NXPH1: variants seen among roughly 807,000 people sequenced by gnomAD.
The protein encoded by NXPH1 is neurexophilin 1.
In NXPH1, 5 loss-of-function variants were observed where a neutral mutation model predicts 23.7. The observed-to-expected ratio is 0.21, with a 90% CI of 0.11 to 0.44. The LOEUF (loss-of-function observed/expected upper bound fraction) is 0.44, where lower values mean the gene tolerates loss of function less well. Among genes scored for constraint, NXPH1 ranks in the 20% least tolerant of loss-of-function variants. The pLI, the probability that NXPH1 is intolerant of heterozygous loss-of-function variation, is 0.99. For missense variants in NXPH1, 324 were observed against 321.6 expected, an observed-to-expected ratio of 1.01 and a Z score of -0.06; for synonymous variants, 144 against 122.2, an observed-to-expected ratio of 1.18 and a Z score of -1.18.
chr7:8,597,683 C>T (rs1482832347), intron 2 of NXPH1, among the ~76,000 whole-genome samples: 1 of 110,828 alleles, frequency 9.0e-6, no homozygotes, highest in African/African-American at 3.7e-5. Context: ...TAGTCAGGTC[C>T]AGGATGTAAA....
chr7:8,520,534 G>A lies in NXPH1; in HGVS notation c.54+84767G>A, dbSNP rs184752804. ...CGGTAGGAAAGTGACCCAAAGGGAAGTGCTTATTGATCCATTTCCCCCCAA... is the reference window on the plus strand; with the variant it reads ...CGGTAGGAAAGTGACCCAAAGGGAAATGCTTATTGATCCATTTCCCCCCAA... On this transcript the variant is annotated intron_variant, in intron 2 of 2. Transcript: ENST00000405863. Among the ~76,000 whole-genome samples, 20 of 152,286 alleles carry A rather than the reference G, an allele frequency of 1.3e-4. 1 individual carries two copies. Among genetic ancestry groups the A allele is most frequent in the African/African-American group, 4.6e-4 (19 of 41,552 alleles).
chr7:8,666,781 T>C (rs957224415), intron 2 of NXPH1, among the ~76,000 whole-genome samples: 7 of 152,044 alleles, frequency 4.6e-5, no homozygotes, highest in African/African-American at 1.7e-4. Flanking sequence ...TAGTAATTTA[T>C]CAATTTATTC....
chr7:8,701,637 A>C (rs905874911), intron 2 of NXPH1, among the ~76,000 whole-genome samples: 4 of 152,100 alleles, frequency 2.6e-5, no homozygotes, highest in Non-Finnish European at 5.9e-5. Context: ...GGTAAAATTA[A>C]GTGTTCTCCC....
At chr7:8,570,403 G>A (rs1487050189) in intron 2 of NXPH1, among the ~76,000 whole-genome samples, 1 of 151,966 alleles carries the variant, frequency 6.6e-6, no homozygotes, top group Non-Finnish European at 1.5e-5. Flanking sequence ...ATTGTGAAGT[G>A]AGGGATAGAA....
chr7:8,517,363 A>G (rs1817702809), intron 2 of NXPH1, among the ~76,000 whole-genome samples: 1 of 152,064 alleles, frequency 6.6e-6, no homozygotes, highest in African/African-American at 2.4e-5. Context: ...TGTGGAGGAC[A>G]TATGTGGAGG....
chr7:8,706,107 A>G (rs572890235), intron 2 of NXPH1, among the ~76,000 whole-genome samples: 1 of 152,162 alleles, frequency 6.6e-6, no homozygotes, highest in Non-Finnish European at 1.5e-5. Flanking sequence ...TTAGGGTTAT[A>G]GTCTCTATGG....
intron 2 of NXPH1, among the ~76,000 whole-genome samples, chr7:8,644,599 T>A (rs1418451873): frequency 1.3e-5 from 2 of 152,166 alleles, no homozygotes; most frequent in African/African-American, 2.4e-5. Flanking sequence ...ATATTGGGAT[T>A]TCAGAAAGAA....
At chr7:8,557,075 A>G (rs575825813) in intron 2 of NXPH1, among the ~76,000 whole-genome samples, 52 of 151,852 alleles carry the variant, frequency 3.4e-4, no homozygotes, top group African/African-American at 1.3e-3. Flanking sequence ...ACTACATAGA[A>G]TGAGACATTG....
At chr7:8,655,693 G>C (rs7791270) in intron 2 of NXPH1, among the ~76,000 whole-genome samples, 107,626 of 151,702 alleles carry the variant, frequency 0.71, 38,872 homozygotes, top group East Asian at 1. Context: ...AAATATCTAT[G>C]CAGAGAAGAG....
chr7:8,444,463 C>A (rs1252526383), intron 2 of NXPH1, among the ~76,000 whole-genome samples: 1 of 152,180 alleles, frequency 6.6e-6, no homozygotes, highest in Non-Finnish European at 1.5e-5. Flanking sequence ...ACTGAACTGC[C>A]CAGGGTCTTG....
chr7:8,611,024 C>T (rs941177284), intron 2 of NXPH1, among the ~76,000 whole-genome samples: 12 of 152,178 alleles, frequency 7.9e-5, no homozygotes, highest in South Asian at 2.1e-4. Flanking sequence ...GCTGAAACGC[C>T]GCTTAGAGTT....
chr7:8,620,924 C>G (rs573399257), intron 2 of NXPH1, among the ~76,000 whole-genome samples: 1 of 152,214 alleles, frequency 6.6e-6, no homozygotes, highest in Admixed American at 6.5e-5. Context: ...AATTCATAAC[C>G]TATGAATAAA....
rs1040362875 is a variant in NXPH1, at chr7:8,575,467, A to G, written c.54+139700A>G. The stretch of plus-strand genomic sequence containing the variant: ...GAGTTCATGTTTAGAATTTGTTTCA[A>G]TGAATAGAAAGCATAGAAATTCTTT... On this transcript the variant is annotated intron_variant, in intron 2 of 2. Coordinates refer to ENST00000405863, the MANE Select transcript of NXPH1 (RefSeq NM_152745.3). 4.6e-5 allele frequency among the ~76,000 whole-genome samples: 7 copies of G among 152,192 alleles called. No individual in the cohort carries two copies. In the South Asian group the frequency reaches 1.4e-3, roughly 31 times the overall value.
chr7:8,671,842 A>G (rs899538760), intron 2 of NXPH1, among the ~76,000 whole-genome samples: 6 of 152,334 alleles, frequency 3.9e-5, no homozygotes, highest in South Asian at 2.1e-4. Context: ...AATTTCTCTG[A>G]TGGCTAGTGA....
At chr7:8,444,853 T>A (rs953466196) in intron 2 of NXPH1, among the ~76,000 whole-genome samples, 2 of 152,244 alleles carry the variant, frequency 1.3e-5, no homozygotes, top group African/African-American at 4.8e-5. Context: ...AATTAAAAAT[T>A]ATGGCCTTCC....
chr7:8,632,770 C>T (rs1363870716), intron 2 of NXPH1, among the ~76,000 whole-genome samples: 2 of 151,900 alleles, frequency 1.3e-5, no homozygotes, highest in Non-Finnish European at 2.9e-5. Context: ...TAAAGTAGGG[C>T]TTCTAAGGCC....
At chr7:8,633,421 C>CA (rs1205077712) in intron 2 of NXPH1, among the ~76,000 whole-genome samples, 1 of 152,144 alleles carries the variant, frequency 6.6e-6, no homozygotes, top group East Asian at 1.9e-4. Flanking sequence ...GAGTCCATCT[C>CA]AAAAAAGACA....
At chr7:8,521,406 T>C (rs1468307553) in intron 2 of NXPH1, among the ~76,000 whole-genome samples, 1 of 152,210 alleles carries the variant, frequency 6.6e-6, no homozygotes, top group Admixed American at 6.5e-5. Flanking sequence ...AACTGTGTGA[T>C]GAATTCTAGC....
intron 2 of NXPH1, among the ~76,000 whole-genome samples, chr7:8,629,302 T>C (rs1246517110): frequency 6.6e-6 from 1 of 152,076 alleles, no homozygotes; most frequent in East Asian, 1.9e-4. Flanking sequence ...TTTTGAAAAT[T>C]ATGGTGGATG....
Sources: gnomAD v4.1 joint callset for allele counts (sites outside exome capture counted in the v4.1 genomes callset) on GRCh38, gnomAD v4.1.1 for gene constraint, MANE v1.5 for transcripts, NCBI Gene and HGNC (gene_info 2026-07-23, HGNC 2026-07-21) for gene names.